Variants in TAFA2 observed in about 807,000 individuals in gnomAD.
The protein encoded by TAFA2 is TAFA chemokine like family member 2, also known as chemokine-like protein TAFA-2.
Under a neutral mutation model 18.8 loss-of-function variants are expected in TAFA2, and 7 were observed. The ratio of observed to expected loss-of-function variants is 0.37; its 90% CI spans 0.21 to 0.70. TAFA2 has a LOEUF of 0.70. Among genes scored for constraint, TAFA2 ranks in the 30% least tolerant of loss-of-function variants. The pLI is 0.53. For synonymous variants in TAFA2, 60 were observed against 54.2 expected, an observed-to-expected ratio of 1.11 and a Z score of -0.47; for missense variants, 122 against 158.1, an observed-to-expected ratio of 0.77 and a Z score of 1.23.
chr12:62,039,270 T>C (rs557340073), intron 1 of TAFA2, among the ~76,000 whole-genome samples: 264 of 152,334 alleles, frequency 1.7e-3, no homozygotes, highest in Non-Finnish European at 3.1e-3. Context: ...ATTTTATTTA[T>C]TCTGAACCTG....
intron 2 of TAFA2, among the ~76,000 whole-genome samples, chr12:61,760,384 G>C (rs1250164073): frequency 2.6e-5 from 2 of 75,890 alleles, no homozygotes; most frequent in Non-Finnish European, 5.7e-5. Flanking sequence ...ATATATATAT[G>C]CGCCAGTAAA....
intron 1 of TAFA2, among the ~76,000 whole-genome samples, chr12:61,928,556 A>C (rs1565684881): frequency 6.6e-6 from 1 of 152,180 alleles, no homozygotes. Context: ...GAATGCTTTT[A>C]CACTGTTGTG....
intron 1 of TAFA2, among the ~76,000 whole-genome samples, chr12:61,904,231 G>A (rs536813240): frequency 1.6e-4 from 24 of 152,182 alleles, no homozygotes; most frequent in South Asian, 1.0e-3. Context: ...TGCAGCCACC[G>A]TACCAGGTTG....
intron 1 of TAFA2, among the ~76,000 whole-genome samples, chr12:62,155,306 A>G (rs2062360646): frequency 6.6e-6 from 1 of 152,162 alleles, no homozygotes; most frequent in Non-Finnish European, 1.5e-5. Flanking sequence ...AGATGACACA[A>G]ACAAATAGAG....
At chr12:61,855,393 G>C (rs143247376) in intron 2 of TAFA2, among the ~76,000 whole-genome samples, 2 of 152,260 alleles carry the variant, frequency 1.3e-5, no homozygotes, top group Non-Finnish European at 2.9e-5. Context: ...TGTCCTGACT[G>C]TAGCCACCCT....
At chr12:62,088,443 G>C (rs977909546) in intron 1 of TAFA2, among the ~76,000 whole-genome samples, 2 of 151,810 alleles carry the variant, frequency 1.3e-5, no homozygotes, top group South Asian at 4.1e-4. Context: ...GGCTGTCCCC[G>C]GTCCTTCTGC....
intron 2 of TAFA2, among the ~76,000 whole-genome samples, chr12:61,782,752 C>G (rs188491661): frequency 2.2e-4 from 33 of 151,752 alleles, no homozygotes; most frequent in African/African-American, 7.5e-4. Context: ...TATTAGTTCA[C>G]CAGGTTTCAA....
intron 4 of TAFA2, among the ~76,000 whole-genome samples, chr12:61,741,077 C>T (rs1197782604): frequency 1.3e-5 from 2 of 151,982 alleles, no homozygotes; most frequent in African/African-American, 2.4e-5. Flanking sequence ...AACTAATATA[C>T]ATTACTTCAA....
At chr12:62,226,191 A>C (rs939643127) in intron 1 of TAFA2, among the ~76,000 whole-genome samples, 12 of 135,420 alleles carry the variant, frequency 8.9e-5, no homozygotes, top group African/African-American at 3.4e-4. Context: ...TCTCTTGATT[A>C]CTCTTTTTTT....
intron 1 of TAFA2, among the ~76,000 whole-genome samples, chr12:62,101,842 T>G (rs534725261): frequency 6.6e-6 from 1 of 152,124 alleles, no homozygotes; most frequent in Admixed American, 6.5e-5. Flanking sequence ...TGAAAAGGAA[T>G]AGTCCCTGTC....
chr12:61,969,350 A>G (rs1457135145), intron 1 of TAFA2, among the ~76,000 whole-genome samples: 1 of 151,770 alleles, frequency 6.6e-6, no homozygotes, highest in African/African-American at 2.4e-5. Context: ...AAGAATATGA[A>G]AAAGCAACAG....
In TAFA2 at chr12:61,822,831, T is replaced by A. The variant is rs981898074; in HGVS notation, c.106+44489A>T. On this transcript the variant is annotated intron_variant, in intron 2 of 4. Transcript: ENST00000416284. ...ATGTATCAATATGTAAATAAGTAAA[T>A]GAATGAGTGATTCATGTTGAAAGAA... 2.6e-5 allele frequency among the ~76,000 whole-genome samples: 4 copies of A among 152,250 alleles called. No individual in the cohort carries two copies. In the South Asian group the frequency reaches 8.3e-4, roughly 32 times the overall value.
intron 1 of TAFA2, among the ~76,000 whole-genome samples, chr12:61,938,921 G>A (rs1877883470): frequency 6.6e-6 from 1 of 151,818 alleles, no homozygotes; most frequent in Non-Finnish European, 1.5e-5. Flanking sequence ...GAGGGTGGGA[G>A]GTGGGTGAGG....
At chr12:61,763,924 T>C (rs565202045) in intron 2 of TAFA2, among the ~76,000 whole-genome samples, 2 of 152,102 alleles carry the variant, frequency 1.3e-5, no homozygotes, top group South Asian at 4.1e-4. Flanking sequence ...CCCCTTTTTT[T>C]TCGTGAGGTA....
At chr12:61,927,069 G>GGAAA (rs1877331215) in intron 1 of TAFA2, among the ~76,000 whole-genome samples, 2 of 69,904 alleles carry the variant, frequency 2.9e-5, no homozygotes, top group African/African-American at 1.2e-4. Context: ...GTGAGACTCT[G>GGAAA]AAAAAAAAAA....
At chr12:62,018,985 AC>A (rs1209114967) in intron 1 of TAFA2, among the ~76,000 whole-genome samples, 8 of 152,294 alleles carry the variant, frequency 5.3e-5, no homozygotes, top group Admixed American at 3.9e-4. Flanking sequence ...TAAGAAAAAA[AC>A]AAACAACCCC....
chr12:62,008,071 T>C (rs1236645131), intron 1 of TAFA2, among the ~76,000 whole-genome samples: 3 of 152,180 alleles, frequency 2.0e-5, no homozygotes, highest in Admixed American at 6.5e-5. Flanking sequence ...TGAGATCATA[T>C]GGTATGTGTC....
intron 1 of TAFA2, among the ~76,000 whole-genome samples, chr12:61,871,114 G>T (rs937954754): frequency 2.0e-5 from 3 of 152,090 alleles, no homozygotes; most frequent in Non-Finnish European, 4.4e-5. Context: ...AAAGAGTCGG[G>T]GGGGCATGCA....
At chr12:61,731,342 G>A (rs1004752069) in intron 4 of TAFA2, among the ~76,000 whole-genome samples, 1 of 152,028 alleles carries the variant, frequency 6.6e-6, no homozygotes, top group South Asian at 2.1e-4. Context: ...TCCTGTGGTG[G>A]TTCTTGAAGC....
Sources: gnomAD v4.1 joint callset for allele counts (sites outside exome capture counted in the v4.1 genomes callset) on GRCh38, gnomAD v4.1.1 for gene constraint, MANE v1.5 for transcripts, NCBI Gene and HGNC (gene_info 2026-07-23, HGNC 2026-07-21) for gene names.